The following PCDH15 variants were observed in gnomAD, a reference collection of about 807,000 sequenced individuals.
The protein encoded by PCDH15 is protocadherin related 15.
In PCDH15, 129 loss-of-function variants were observed where a neutral mutation model predicts 178.5. The ratio of observed to expected loss-of-function variants is 0.72; its 90% CI spans 0.63 to 0.84. The LOEUF (loss-of-function observed/expected upper bound fraction) is 0.84, where lower values mean the gene tolerates loss of function less well. Ranked by LOEUF, PCDH15 falls within the 40% of genes least tolerant of loss-of-function variation. The probability of loss-of-function intolerance (pLI) is 0.00; values close to 1 mark genes in which losing one functional copy is unlikely to be tolerated. For missense variants in PCDH15, 2,230 were observed against 2,099.9 expected, an observed-to-expected ratio of 1.06 and a Z score of -1.21; for synonymous variants, 800 against 732.0, an observed-to-expected ratio of 1.09 and a Z score of -1.50.
intron 1 of PCDH15, among the ~76,000 whole-genome samples, chr10:54,692,362 G>A (rs1015896244): frequency 2.0e-5 from 3 of 152,052 alleles, no homozygotes; most frequent in Non-Finnish European, 2.9e-5. Flanking sequence ...ACTAGTATAC[G>A]TTTGCTTCCA....
intron 5 of PCDH15, among the ~76,000 whole-genome samples, chr10:54,348,228 A>G (rs887847777): frequency 2.0e-5 from 3 of 152,152 alleles, no homozygotes; most frequent in African/African-American, 7.2e-5. Context: ...CTAGTTTGCA[A>G]TCTCTGATTT....
chr10:54,279,144 T>G (rs141235002), intron 8 of PCDH15, among the ~76,000 whole-genome samples: 2 of 151,686 alleles, frequency 1.3e-5, no homozygotes, highest in African/African-American at 2.4e-5. Context: ...AATATCAATA[T>G]TAAATATTAG....
At chr10:54,989,307 C>A (rs2131914758) in intron 2 of PCDH15, among the ~76,000 whole-genome samples, 1 of 152,330 alleles carries the variant, frequency 6.6e-6, no homozygotes, top group Admixed American at 6.5e-5. Context: ...CTCGGCACCA[C>A]CTTATGGAGC....
chr10:55,239,047 T>C (rs1255885829), intron 1 of PCDH15, among the ~76,000 whole-genome samples: 1 of 152,172 alleles, frequency 6.6e-6, no homozygotes, highest in Non-Finnish European at 1.5e-5. Flanking sequence ...ACTCTTTATA[T>C]CCATGATTTT....
chr10:54,202,131 A>G (rs1349175616), intron 10 of PCDH15, among the ~76,000 whole-genome samples: 1 of 152,210 alleles, frequency 6.6e-6, no homozygotes, highest in African/African-American at 2.4e-5. Flanking sequence ...GCTTAGATAC[A>G]TTTTATTGTC....
At chr10:54,635,128 TTTC>T (rs1170973836) in intron 2 of PCDH15, among the ~76,000 whole-genome samples, 1 of 150,690 alleles carries the variant, frequency 6.6e-6, no homozygotes. Context: ...ATATATAGTT[TTTC>T]TTGTTTTTGA....
At chr10:54,168,986 G>T (rs979224751) in intron 13 of PCDH15, among the ~76,000 whole-genome samples, 9 of 152,070 alleles carry the variant, frequency 5.9e-5, no homozygotes, top group Admixed American at 1.3e-4. Context: ...GAACCGCAGC[G>T]GCCAGGCGTT....
chr10:55,607,368 T>C (rs567030720), intron 2 of PCDH15, among the ~76,000 whole-genome samples: 1,700 of 146,710 alleles, frequency 0.012, 40 homozygotes, highest in African/African-American at 0.042. Flanking sequence ...GAACTAGAAA[T>C]ACCATTTGAC....
At chr10:54,325,123 A>C (rs1361466300) in intron 7 of PCDH15, among the ~76,000 whole-genome samples, 2 of 152,230 alleles carry the variant, frequency 1.3e-5, no homozygotes, top group Middle Eastern at 3.4e-3. Flanking sequence ...TTCTCAAAAA[A>C]ATATGTGACA....
intron 8 of PCDH15, among the ~76,000 whole-genome samples, chr10:54,250,982 TTTAGA>T (rs759235381): frequency 1.4e-3 from 206 of 152,260 alleles, no homozygotes; most frequent in Non-Finnish European, 2.0e-3. Context: ...AAAATACATA[TTTAGA>T]TTAATTTTAT....
At chr10:54,742,154 T>C (rs1944894433) in intron 1 of PCDH15, among the ~76,000 whole-genome samples, 1 of 152,112 alleles carries the variant, frequency 6.6e-6, no homozygotes, top group African/African-American at 2.4e-5. Flanking sequence ...TATGAGGTCA[T>C]TGACTCTTTA....
intron 2 of PCDH15, among the ~76,000 whole-genome samples, chr10:55,608,132 A>C (rs1161352276): frequency 6.6e-6 from 1 of 152,030 alleles, no homozygotes; most frequent in African/African-American, 2.4e-5. Flanking sequence ...CATAGAGTAC[A>C]AACTGGACTG....
At chr10:53,932,403 A>C (rs928105869) in intron 25 of PCDH15, among the ~76,000 whole-genome samples, 2 of 152,178 alleles carry the variant, frequency 1.3e-5, no homozygotes, top group African/African-American at 2.4e-5. Context: ...GCTGTAATAT[A>C]ATGTAATACT....
chr10:54,731,172 A>G (rs1300653031), intron 1 of PCDH15, among the ~76,000 whole-genome samples: 1 of 151,330 alleles, frequency 6.6e-6, no homozygotes, highest in Non-Finnish European at 1.5e-5. Context: ...ATTGTTCAAC[A>G]TCACTAGTCT....
chr10:54,459,954 C>CT (rs1194147231), intron 3 of PCDH15, among the ~76,000 whole-genome samples: 1 of 152,066 alleles, frequency 6.6e-6, no homozygotes, highest in Non-Finnish European at 1.5e-5. Context: ...TGACTTAGCT[C>CT]TTTCTATTTG....
intron 3 of PCDH15, among the ~76,000 whole-genome samples, chr10:54,421,948 A>T (rs868103754): frequency 2.4e-4 from 22 of 89,904 alleles, no homozygotes; most frequent in African/African-American, 1.1e-3. Context: ...TATATATAAA[A>T]ATATATATAT....
intron 3 of PCDH15, among the ~76,000 whole-genome samples, chr10:54,510,957 A>G (rs1335894215): frequency 6.6e-6 from 1 of 152,190 alleles, no homozygotes; most frequent in Non-Finnish European, 1.5e-5. Flanking sequence ...ACTGGTGAAC[A>G]AATGACTTTT....
intron 2 of PCDH15, among the ~76,000 whole-genome samples, chr10:55,077,954 G>C (rs1419917272): frequency 6.6e-6 from 1 of 152,136 alleles, no homozygotes; most frequent in Non-Finnish European, 1.5e-5. Context: ...GGCAACTCTT[G>C]TCATTTTACT....
chr10:54,482,479 A>G (rs367990049), intron 3 of PCDH15, among the ~76,000 whole-genome samples: 2 of 151,900 alleles, frequency 1.3e-5, no homozygotes, highest in Admixed American at 6.6e-5. Flanking sequence ...TGAGTAGGTA[A>G]GTAGAGAGTG....
Sources: allele counts gnomAD v4.1 joint callset (sites outside exome capture counted in the v4.1 genomes callset), GRCh38; gene constraint gnomAD v4.1.1; transcripts MANE v1.5; gene names NCBI Gene and HGNC (gene_info 2026-07-23, HGNC 2026-07-21).